Variants in PSMD1 observed in about 807,000 individuals in gnomAD.
PSMD1 encodes the protein 26S proteasome non-ATPase regulatory subunit 1.
PSMD1 carries 18 observed loss-of-function variants against 119.0 expected under a neutral mutation model. The observed-to-expected ratio is 0.15, with a 90% CI of 0.10 to 0.22. PSMD1 has a LOEUF of 0.22. Among genes scored for constraint, PSMD1 ranks in the 10% least tolerant of loss-of-function variants. The pLI is 1.00. For missense variants in PSMD1, 702 were observed against 1,158.5 expected (o/e 0.61, Z 5.72); for synonymous variants, 374 against 396.6 (o/e 0.94, Z 0.68).
intron 16 of PSMD1, among the ~76,000 whole-genome samples, chr2:231,096,579 C>A (rs1000324811): frequency 6.6e-6 from 1 of 152,186 alleles, no homozygotes; most frequent in African/African-American, 2.4e-5. Context: ...ACAACTGTTA[C>A]ATATAAAGTT....
intron 16 of PSMD1, among the ~76,000 whole-genome samples, chr2:231,137,552 C>T (rs532189164): frequency 2.0e-5 from 3 of 151,268 alleles, no homozygotes; most frequent in African/African-American, 4.9e-5. Flanking sequence ...TTTGTAATTT[C>T]AACTTTTATC....
rs923189027 is a variant in PSMD1 at position 231,056,953 on chromosome 2, G to T, written c.-73G>T. The T allele has an allele frequency of 6.5e-7, 1 of 1,532,684 alleles. No homozygotes were observed. The highest frequency in any genetic ancestry group is 2.0e-5 in the Admixed American group (1 of 50,704). The allele number at this position is 1,532,684 out of a possible 1,614,324, so 94.9% of individuals were successfully genotyped here. On this transcript the variant is annotated 5_prime_UTR_variant, in exon 1 of 25. Coordinates refer to ENST00000308696, the MANE Select transcript of PSMD1 (RefSeq NM_002807.4). ...AGCAAGGAGGCGCGGTGAACTGAGC[G>T]GCCCCTGAGCTGACAGATACACTGC...
intron 20 of PSMD1, chr2:231,163,378 G>T: frequency 8.2e-6 from 3 of 366,204 alleles, no homozygotes; most frequent in Non-Finnish European, 1.5e-5. Flanking sequence ...ACCCATTGAA[G>T]CAGGTTGGTT....
At chr2:231,171,618 G>A (rs901062097) in intron 24 of PSMD1, among the ~76,000 whole-genome samples, 2 of 147,274 alleles carry the variant, frequency 1.4e-5, no homozygotes, top group Non-Finnish European at 3.0e-5. Context: ...GTGCAATGGC[G>A]CAAACTTGGC....
intron 12 of PSMD1, among the ~76,000 whole-genome samples, chr2:231,081,243 T>C (rs1472938995): frequency 6.6e-6 from 1 of 151,972 alleles, no homozygotes; most frequent in East Asian, 1.9e-4. Flanking sequence ...CACACATTTT[T>C]ACCTTATTTC....
At chr2:231,151,803 A>ATTTT (rs57347945) in intron 18 of PSMD1, among the ~76,000 whole-genome samples, 6 of 95,674 alleles carry the variant, frequency 6.3e-5, no homozygotes, top group African/African-American at 1.5e-4. Context: ...AAACATGAGA[A>ATTTT]TTTTTTTTTT....
At chr2:231,117,851 T>A (rs984411293) in intron 16 of PSMD1, among the ~76,000 whole-genome samples, 3 of 152,112 alleles carry the variant, frequency 2.0e-5, no homozygotes, top group Non-Finnish European at 4.4e-5. Flanking sequence ...GAATACTGAG[T>A]TCTAACTTGT....
chr2:231,154,706 CA>C (rs1652401858), intron 19 of PSMD1, among the ~76,000 whole-genome samples: 1 of 152,180 alleles, frequency 6.6e-6, no homozygotes, highest in South Asian at 2.1e-4. Flanking sequence ...TGGACTCGAG[CA>C]GTGTTCCCAC....
intron 4 of PSMD1, among the ~76,000 whole-genome samples, chr2:231,065,043 C>T (rs1390594330): frequency 6.7e-6 from 1 of 149,934 alleles, no homozygotes; most frequent in Non-Finnish European, 1.5e-5. Context: ...TATAAAAGTC[C>T]TCTGCTTCCT....
At chr2:231,087,232 TGTA>T (rs1694474860) in intron 16 of PSMD1, 51 bp downstream of exon 16, 2 of 1,503,600 alleles carry the variant, frequency 1.3e-6, no homozygotes, top group Admixed American at 1.7e-5. Context: ...TTTTTGGAAA[TGTA>T]GTAGTCACTA....
intron 19 of PSMD1, among the ~76,000 whole-genome samples, chr2:231,156,265 C>G (rs531411544): frequency 1.6e-4 from 25 of 152,188 alleles, no homozygotes; most frequent in Admixed American, 1.2e-3. Context: ...GTCCCCTTTG[C>G]CCCTCCAATT....
chr2:231,077,186 G>T, intron 9 of PSMD1, 24 bp downstream of exon 9: 3 of 1,388,304 alleles, frequency 2.2e-6, no homozygotes, highest in South Asian at 1.5e-5. Flanking sequence ...CAATAATAGA[G>T]GATTTTAAAA....
chr2:231,086,305 A>C (rs1193414196), intron 15 of PSMD1, among the ~76,000 whole-genome samples: 1 of 152,176 alleles, frequency 6.6e-6, no homozygotes, highest in Non-Finnish European at 1.5e-5. Context: ...TGGCCTCTCA[A>C]AAGTGCTAGG....
intron 19 of PSMD1, among the ~76,000 whole-genome samples, chr2:231,154,277 CA>C (rs1455612556): frequency 1.8e-4 from 27 of 151,224 alleles, no homozygotes; most frequent in Admixed American, 2.6e-4. Flanking sequence ...ACTAAAAATA[CA>C]AAAAAATTAG....
intron 19 of PSMD1, 122 bp from the exon 20 acceptor site, chr2:231,161,218 A>G (rs890863389): frequency 4.2e-6 from 4 of 958,420 alleles, no homozygotes; most frequent in Non-Finnish European, 4.5e-6. Context: ...AGCTTGGGTA[A>G]CAGTGAGACC....
intron 16 of PSMD1, among the ~76,000 whole-genome samples, chr2:231,113,243 A>G (rs1011886547): frequency 5.3e-5 from 8 of 152,214 alleles, no homozygotes; most frequent in Non-Finnish European, 1.0e-4. Context: ...ATGTACAGAA[A>G]TGTTGGCTTC....
Position 231,100,728 on chromosome 2 carries a change from C to A in PSMD1, c.1883+13547C>A, listed in dbSNP as rs568369791. On this transcript the variant is annotated intron_variant, in intron 16 of 24. Transcript: ENST00000308696. The stretch of plus-strand genomic sequence containing the variant: ...GCATTAGGTCCCTTAATTGAGCCTG[C>A]AAAACCAAGGCTCCGCTAGCTTTAA... 9.6e-4 allele frequency among the ~76,000 whole-genome samples: 146 copies of A among 152,270 alleles called. 1 individual carries two copies. The highest frequency in any genetic ancestry group is 3.4e-3 in the African/African-American group (141 of 41,542).
intron 1 of PSMD1, 99 bp from the exon 2 acceptor site, chr2:231,061,168 A>G (rs906424947): frequency 1.1e-6 from 1 of 883,548 alleles, no homozygotes; most frequent in East Asian, 2.6e-5. Context: ...TACGCCTCAA[A>G]AAAATTGTTT....
intron 19 of PSMD1, among the ~76,000 whole-genome samples, chr2:231,158,064 A>G (rs1000598288): frequency 3.0e-4 from 46 of 151,570 alleles, no homozygotes; most frequent in African/African-American, 1.0e-3. Context: ...TAATCCCAGC[A>G]TTTTGGGAGG....
Sources: allele counts gnomAD v4.1 joint callset (sites outside exome capture counted in the v4.1 genomes callset), GRCh38; gene constraint gnomAD v4.1.1; transcripts MANE v1.5; gene names NCBI Gene and HGNC (gene_info 2026-07-23, HGNC 2026-07-21).